The following KLRG1 variants were observed in gnomAD, a reference collection of about 807,000 sequenced individuals.
KLRG1 encodes the protein killer cell lectin-like receptor subfamily G member 1.
Under a neutral mutation model 21.8 loss-of-function variants are expected in KLRG1, and 16 were observed. The observed-to-expected ratio is 0.73, with a 90% CI of 0.50 to 1.11. The LOEUF is 1.11. Ranked by LOEUF, KLRG1 falls within the 50% of genes most tolerant of loss-of-function variation. The pLI is 0.00. For synonymous variants in KLRG1, 69 were observed against 75.9 expected (o/e 0.91, Z 0.47); for missense variants, 173 against 218.3 (o/e 0.79, Z 1.31).
chr12:9,148,779 A>G, the KLRG1 span: 1 of 562,496 alleles, frequency 1.8e-6, no homozygotes. Flanking sequence ...AAACAGAAAG[A>G]ATATAACTCA....
the KLRG1 span, chr12:9,101,796 A>G: frequency 3.4e-4 from 272 of 803,128 alleles, no homozygotes; most frequent in Admixed American, 1.4e-4. Flanking sequence ...TTGTTCCACA[A>G]TGAAAAGTGG....
the KLRG1 span, among the ~76,000 whole-genome samples, chr12:9,139,217 A>C: frequency 6.6e-6 from 1 of 151,936 alleles, no homozygotes; most frequent in Non-Finnish European, 1.5e-5. Context: ...TTTAATATCT[A>C]TGTATTTTTT....
chr12:9,213,776 G>T, the KLRG1 span, among the ~76,000 whole-genome samples: 1 of 151,922 alleles, frequency 6.6e-6, no homozygotes, highest in Admixed American at 6.6e-5. Context: ...CTCCTGTTCT[G>T]TGGGTTGTCT....
chr12:9,027,255 G>T, the KLRG1 span, among the ~76,000 whole-genome samples: 1 of 145,598 alleles, frequency 6.9e-6, no homozygotes, highest in Admixed American at 6.7e-5. Flanking sequence ...AACAGCATGG[G>T]TGCAAAAAAA....
chr12:9,135,385 C>A, the KLRG1 span: 3 of 332,522 alleles, frequency 9.0e-6, no homozygotes, highest in Non-Finnish European at 1.8e-5. Flanking sequence ...GGGTTGGACT[C>A]ACGCTCACCT....
the KLRG1 span, among the ~76,000 whole-genome samples, chr12:9,056,277 A>G: frequency 6.6e-6 from 1 of 152,186 alleles, no homozygotes; most frequent in Non-Finnish European, 1.5e-5. Context: ...ATGTCAGCTC[A>G]CTGGGGAAAT....
the KLRG1 span, among the ~76,000 whole-genome samples, chr12:9,142,673 T>G: frequency 6.6e-5 from 10 of 152,152 alleles, no homozygotes; most frequent in Admixed American, 6.5e-4. Flanking sequence ...ATCCAGTAGT[T>G]ATAAGATTTT....
the KLRG1 span, chr12:9,111,927 G>A: frequency 1.5e-6 from 1 of 666,324 alleles, no homozygotes; most frequent in South Asian, 1.5e-5. Context: ...CATCCGAAAA[G>A]TAAATTTAAT....
chr12:9,087,954 G>A, the KLRG1 span, among the ~76,000 whole-genome samples: 2 of 151,960 alleles, frequency 1.3e-5, no homozygotes, highest in Non-Finnish European at 2.9e-5. Context: ...GTGAATAGTT[G>A]AAAAAACCAA....
intron 1 of KLRG1, among the ~76,000 whole-genome samples, chr12:8,979,749 C>G (rs1335692790): frequency 1.3e-5 from 2 of 151,388 alleles, no homozygotes; most frequent in South Asian, 2.1e-4. Flanking sequence ...CTTTTTCATT[C>G]TTTTTTTTTC....
At chr12:8,982,183 G>A (rs955685778) in intron 1 of KLRG1, among the ~76,000 whole-genome samples, 6 of 152,180 alleles carry the variant, frequency 3.9e-5, no homozygotes, top group African/African-American at 9.7e-5. Flanking sequence ...GTTTGTTCAC[G>A]TGGGTTCAAG....
chr12:9,110,341 G>T, the KLRG1 span: 1 of 1,414,954 alleles, frequency 7.1e-7, no homozygotes, highest in South Asian at 1.5e-5. Context: ...GAATCTGAAA[G>T]ACAAAAGAAA....
the KLRG1 span, among the ~76,000 whole-genome samples, chr12:9,181,484 C>T: frequency 5.4e-4 from 82 of 152,112 alleles, no homozygotes; most frequent in African/African-American, 1.9e-3. Context: ...AATGCTTTGG[C>T]GACACATTAA....
the KLRG1 span, among the ~76,000 whole-genome samples, chr12:9,017,286 A>G: frequency 0.047 from 6,837 of 145,854 alleles, 512 homozygotes; most frequent in African/African-American, 0.16. Context: ...AAAAAAAAAA[A>G]AAAAGAAAAG....
chr12:9,149,397 G>A, the KLRG1 span, among the ~76,000 whole-genome samples: 1 of 152,136 alleles, frequency 6.6e-6, no homozygotes, highest in Non-Finnish European at 1.5e-5. Context: ...TGGAGAGTCC[G>A]CTACAGAATA....
At chr12:8,970,493 A>G (rs1592244707) in intron 1 of KLRG1, 1 of 152,246 alleles carries the variant, frequency 6.6e-6, no homozygotes, top group African/African-American at 2.4e-5. Context: ...AAGTTTTCCC[A>G]CAATGAAAGC....
At chr12:9,080,128 T>G in the KLRG1 span, 1 of 1,591,102 alleles carries the variant, frequency 6.3e-7, no homozygotes, top group East Asian at 2.3e-5. Context: ...CAGATTCTTC[T>G]ACCACATTTG....
the KLRG1 span, chr12:9,109,274 C>T: frequency 6.8e-7 from 1 of 1,468,884 alleles, no homozygotes; most frequent in Non-Finnish European, 9.5e-7. Context: ...AATGGTGAGT[C>T]TCTTTTAAAT....
At chr12:9,043,228 C>A in the KLRG1 span, among the ~76,000 whole-genome samples, 3 of 152,170 alleles carry the variant, frequency 2.0e-5, no homozygotes, top group Admixed American at 2.0e-4. Context: ...AGGTGCCCAC[C>A]ACCACGCCGG....
Sources: allele counts gnomAD v4.1 joint callset (sites outside exome capture counted in the v4.1 genomes callset), GRCh38; gene constraint gnomAD v4.1.1; transcripts MANE v1.5; gene names NCBI Gene and HGNC (gene_info 2026-07-23, HGNC 2026-07-21).